The following EIF3K variants were observed in gnomAD, a reference collection of about 807,000 sequenced individuals.
EIF3K encodes eukaryotic translation initiation factor 3 subunit K, also known as eIF-3 p28.
In EIF3K, 27 loss-of-function variants were observed where a neutral mutation model predicts 34.2. The observed-to-expected ratio is 0.79, with a 90% confidence interval of 0.58 to 1.09. EIF3K has a LOEUF of 1.09. EIF3K is among the 50% of genes least tolerant of loss of function. The probability of loss-of-function intolerance (pLI) is 0.00; values close to 1 mark genes in which losing one functional copy is unlikely to be tolerated. For missense variants in EIF3K, 232 were observed against 275.4 expected (o/e 0.84, Z 1.11); for synonymous variants, 105 against 105.7 (o/e 0.99, Z 0.04).
At chr19:38,622,995 C>T (rs1034796806) in intron 2 of EIF3K, among the ~76,000 whole-genome samples, 2 of 152,204 alleles carry the variant, frequency 1.3e-5, no homozygotes, top group African/African-American at 4.8e-5. Flanking sequence ...CTCAAACACA[C>T]ATGTTGTGCA....
At chr19:38,634,883 G>T in intron 6 of EIF3K, 110 bp from the exon 7 acceptor site, 1 of 1,496,152 alleles carries the variant, frequency 6.7e-7, no homozygotes, top group Non-Finnish European at 9.0e-7. Flanking sequence ...GATGTCAGTG[G>T]GCAAGGGGGG....
intron 2 of EIF3K, among the ~76,000 whole-genome samples, chr19:38,623,823 T>A (rs1396584730): frequency 1.3e-5 from 2 of 152,174 alleles, no homozygotes; most frequent in Non-Finnish European, 2.9e-5. Flanking sequence ...ACTGCTGCTG[T>A]TCTCATTTGT....
At chr19:38,635,422 T>C (rs1199293503) in intron 7 of EIF3K, 3 of 427,614 alleles carry the variant, frequency 7.0e-6, no homozygotes, top group Non-Finnish European at 1.3e-5. Context: ...CTGAGGCCTG[T>C]CTCGTTGGCC....
At chr19:38,625,307 GC>G (rs1413931178) in intron 3 of EIF3K, among the ~76,000 whole-genome samples, 2 of 151,752 alleles carry the variant, frequency 1.3e-5, no homozygotes, top group Non-Finnish European at 1.5e-5. Context: ...GACCACAGGT[GC>G]ATGCATGCTA....
intron 2 of EIF3K, 130 bp downstream of exon 2, chr19:38,620,565 G>A: frequency 3.7e-6 from 3 of 815,642 alleles, no homozygotes; most frequent in Non-Finnish European, 3.9e-6. Context: ...AGACTAGGAA[G>A]CCAAGGAAGT....
At chr19:38,624,240 T>G in intron 3 of EIF3K, 43 bp downstream of exon 3, 1 of 1,612,236 alleles carries the variant, frequency 6.2e-7, no homozygotes, top group Non-Finnish European at 8.5e-7. Context: ...TGGGAAGGGG[T>G]CAGAGTCAAG....
intron 7 of EIF3K, 33 bp from the exon 8 acceptor site, chr19:38,636,856 C>G: frequency 6.2e-7 from 1 of 1,614,124 alleles, no homozygotes; most frequent in East Asian, 2.2e-5. Flanking sequence ...TCCCGCCCTT[C>G]TCACCTTCAG....
At chr19:38,631,379 A>C (rs1410061796) in intron 4 of EIF3K, among the ~76,000 whole-genome samples, 1 of 152,236 alleles carries the variant, frequency 6.6e-6, no homozygotes, top group African/African-American at 2.4e-5. Context: ...AGAGAAGGTC[A>C]GCAGGTAAAC....
chr19:38,630,093 T>C (rs1034494168), intron 4 of EIF3K, among the ~76,000 whole-genome samples: 16 of 151,794 alleles, frequency 1.1e-4, no homozygotes, highest in Non-Finnish European at 2.4e-4. Context: ...ATAACTTACA[T>C]CACATGGCTA....
At chr19:38,627,279 C>G (rs373548403) in intron 4 of EIF3K, among the ~76,000 whole-genome samples, 4 of 152,086 alleles carry the variant, frequency 2.6e-5, no homozygotes, top group Admixed American at 6.6e-5. Context: ...AACCACCACG[C>G]CGGGCCAGAA....
At chr19:38,620,303 T>C (rs768444402) in intron 1 of EIF3K, 34 bp from the exon 2 acceptor site, 1 of 1,596,468 alleles carries the variant, frequency 6.3e-7, no homozygotes, top group African/African-American at 1.3e-5. Flanking sequence ...AGCTTCTGTC[T>C]CCTCTGTGCT....
intron 4 of EIF3K, among the ~76,000 whole-genome samples, chr19:38,627,669 C>G (rs1371295174): frequency 2.7e-5 from 4 of 150,746 alleles, no homozygotes; most frequent in Non-Finnish European, 5.9e-5. Context: ...GAGTGAGACT[C>G]CGTCTCAAAA....
chr19:38,622,234 T>A (rs1242787043), intron 2 of EIF3K, among the ~76,000 whole-genome samples: 1 of 151,520 alleles, frequency 6.6e-6, no homozygotes, highest in Non-Finnish European at 1.5e-5. Context: ...GCCTCCTAAG[T>A]AGCTGTACGT....
chr19:38,623,071 A>G (rs1975877332), intron 2 of EIF3K, among the ~76,000 whole-genome samples: 1 of 152,228 alleles, frequency 6.6e-6, no homozygotes, highest in African/African-American at 2.4e-5. Flanking sequence ...AACTGACAGG[A>G]TTAAGAGATT....
intron 2 of EIF3K, 59 bp from the exon 3 acceptor site, chr19:38,624,018 G>A (rs1975896285): frequency 6.2e-7 from 1 of 1,610,832 alleles, no homozygotes. Flanking sequence ...CCTGGCACCT[G>A]GTGAGGATTG....
intron 2 of EIF3K, among the ~76,000 whole-genome samples, chr19:38,620,796 AG>A (rs1386423387): frequency 6.6e-6 from 1 of 152,152 alleles, no homozygotes; most frequent in East Asian, 1.9e-4. Context: ...CGGGAGGCTG[AG>A]GCAGGAGAAT....
intron 4 of EIF3K, among the ~76,000 whole-genome samples, chr19:38,627,697 CCTT>C (rs1234763374): frequency 1.3e-5 from 2 of 151,694 alleles, no homozygotes; most frequent in Non-Finnish European, 2.9e-5. Context: ...AAATTCAGCT[CCTT>C]CTCACTGGCG....
chr19:38,636,507 C>G (rs1976196022), intron 7 of EIF3K, among the ~76,000 whole-genome samples: 1 of 152,164 alleles, frequency 6.6e-6, no homozygotes, highest in Admixed American at 6.5e-5. Flanking sequence ...GAGTATCCTG[C>G]AAATAGTACC....
At chr19:38,626,127 A>G (rs1975946004) in intron 4 of EIF3K, 25 bp downstream of exon 4, 20 of 1,602,956 alleles carry the variant, frequency 1.2e-5, no homozygotes, top group Non-Finnish European at 1.6e-5. Flanking sequence ...GTCCAGGGGC[A>G]GGGGAGATGG....
Sources: gnomAD v4.1 joint callset for allele counts (sites outside exome capture counted in the v4.1 genomes callset) on GRCh38, gnomAD v4.1.1 for gene constraint, MANE v1.5 for transcripts, NCBI Gene and HGNC (gene_info 2026-07-23, HGNC 2026-07-21) for gene names.